Variants in NMNAT1 observed in about 807,000 individuals in gnomAD.
NMNAT1 encodes nicotinamide nucleotide adenylyltransferase 1.
NMNAT1 carries 11 observed loss-of-function variants against 16.7 expected under a neutral mutation model. That is an observed-to-expected ratio of 0.66 (90% CI 0.41 to 1.09). The LOEUF is 1.09. Ranked by LOEUF, NMNAT1 falls within the 50% of genes least tolerant of loss-of-function variation. NMNAT1 has a pLI of 0.00. For missense variants in NMNAT1, 280 were observed against 332.3 expected (o/e 0.84, Z 1.22); for synonymous variants, 110 against 119.8 (o/e 0.92, Z 0.53).
the NMNAT1 span, among the ~76,000 whole-genome samples, chr1:9,991,991 G>A: frequency 6.6e-6 from 1 of 151,994 alleles, no homozygotes; most frequent in South Asian, 2.1e-4. Flanking sequence ...CTTAAACCTG[G>A]GAGGCAGAGG....
At chr1:9,989,714 T>C (rs1176657287), downstream of NMNAT1, among the ~76,000 whole-genome samples, 1 of 152,156 alleles carries the variant, frequency 6.6e-6, no homozygotes, top group East Asian at 1.9e-4. Flanking sequence ...CTTCAATTCA[T>C]TTGTGCTACC....
intron 1 of NMNAT1, among the ~76,000 whole-genome samples, chr1:9,959,335 G>A (rs565270592): frequency 1.9e-4 from 26 of 138,770 alleles, no homozygotes; most frequent in African/African-American, 6.8e-4. Context: ...TCGTGCCATT[G>A]CACTACAGCC....
chr1:9,960,177 T>A (rs1475698527), intron 1 of NMNAT1, among the ~76,000 whole-genome samples: 1 of 152,128 alleles, frequency 6.6e-6, no homozygotes, highest in Non-Finnish European at 1.5e-5. Flanking sequence ...ACTAGCTACT[T>A]GGCAGGCTGA....
the NMNAT1 span, among the ~76,000 whole-genome samples, chr1:9,991,212 G>C: frequency 5.8e-5 from 8 of 138,564 alleles, 1 homozygote; most frequent in East Asian, 1.3e-3. Context: ...TTTAGACAAA[G>C]TCTTGCCTCT....
In NMNAT1 at chr1:9,984,668, CTGTT is replaced by C; in HGVS notation, c.*1974_*1977del. 1 of 152,118 alleles carries C rather than the reference CTGTT, an allele frequency of 6.6e-6. No individual in the cohort carries two copies. The highest frequency in any genetic ancestry group is 1.9e-4 in the East Asian group (1 of 5,198). 9.4% of individuals were successfully genotyped at this position (152,118 alleles called of 1,614,324 possible). On this transcript the variant is annotated 3_prime_UTR_variant, in exon 5 of 5. Coordinates refer to ENST00000377205, the MANE Select transcript of NMNAT1 (RefSeq NM_022787.4). ...GTGTGATGCTGGTGTTTTGTTTGGC[CTGTT>C]TGTTTGATGCTGGGGGTTTTATGTG... is the stretch of plus-strand genomic sequence containing the variant.
At chr1:9,989,365 C>T (rs1169650744), downstream of NMNAT1, among the ~76,000 whole-genome samples, 1 of 151,712 alleles carries the variant, frequency 6.6e-6, no homozygotes, top group Admixed American at 6.6e-5. Flanking sequence ...GGCTGAGGCA[C>T]GAGAATCACT....
intron 1 of NMNAT1, among the ~76,000 whole-genome samples, chr1:9,968,361 C>T (rs546387899): frequency 1.1e-3 from 159 of 151,124 alleles, no homozygotes; most frequent in East Asian, 3.6e-3. Context: ...CGTGAGCCGC[C>T]GCGCCTGGCC....
At chr1:9,969,197 A>G (rs1166733128) in intron 1 of NMNAT1, among the ~76,000 whole-genome samples, 2 of 152,116 alleles carry the variant, frequency 1.3e-5, no homozygotes, top group South Asian at 2.1e-4. Context: ...CACAAGCCCT[A>G]CCTACCCACT....
At position 9,982,472 on chromosome 1, in the gene NMNAT1, G is replaced by A; in HGVS notation, c.611G>A (p.Trp204Ter). The change falls in exon 5 of 5, where the codon TGG becomes TAG. Residue 204 changes from tryptophan (W) to a stop codon, truncating the protein, a stop_gained. Coordinates refer to ENST00000377205, the MANE Select transcript of NMNAT1 (RefSeq NM_022787.4). LOFTEE classifies it high-confidence loss of function. ...TTTATCTATGAATCGGATGTGCTGT[G>A]GAAACACCGGAGCAACATTCACGTG... ...QKFIYESDVL[W>*]KHRSNIHVVN... is the part of the protein sequence containing the mutation. The A allele has an allele frequency of 6.2e-7, 1 of 1,614,130 alleles. No homozygotes were observed.
downstream of NMNAT1, among the ~76,000 whole-genome samples, chr1:9,987,150 A>ATG (rs767154247): frequency 3.9e-4 from 59 of 151,306 alleles, no homozygotes; most frequent in Non-Finnish European, 7.8e-4. Flanking sequence ...GTGAGCCCTG[A>ATG]TCATGACACT....
Position 9,975,042 on chromosome 1 carries a change from G to A in NMNAT1, c.116-550G>A, listed in dbSNP as rs116712506. 3.2e-3 allele frequency among the ~76,000 whole-genome samples: 480 copies of A among 152,254 alleles called. 6 individuals are homozygous for A. The highest frequency in any genetic ancestry group is 0.011 in the African/African-American group (456 of 41,544). Reference sequence around the variant, plus strand: ...GGTGAAGTACAGAGTGTCAGTTGGGGAAGATGAGAAAATTCTGGAGATAGA... The same window carrying A: ...GGTGAAGTACAGAGTGTCAGTTGGGAAAGATGAGAAAATTCTGGAGATAGA... On this transcript the variant is annotated intron_variant, in intron 2 of 4. Transcript: ENST00000377205.
downstream of NMNAT1, among the ~76,000 whole-genome samples, chr1:9,986,416 A>T (rs1407576425): frequency 1.3e-5 from 2 of 152,212 alleles, no homozygotes. Context: ...GTACATTAAT[A>T]CAAGTATATC....
chr1:9,945,105 A>G (rs1052483856), intron 1 of NMNAT1, among the ~76,000 whole-genome samples: 1 of 152,138 alleles, frequency 6.6e-6, no homozygotes, highest in Non-Finnish European at 1.5e-5. Flanking sequence ...GTGGTGGTCC[A>G]TGCCTGTAAT....
chr1:9,976,255 C>G (rs1444657206), intron 3 of NMNAT1, among the ~76,000 whole-genome samples: 2 of 150,180 alleles, frequency 1.3e-5, no homozygotes, highest in African/African-American at 4.9e-5. Flanking sequence ...CCACTGCACT[C>G]CAGCCTGGGT....
rs751746188 is a variant in NMNAT1 at position 9,972,038 on chromosome 1, G to A, written c.-36G>A. On this transcript the variant is annotated 5_prime_UTR_variant, in exon 2 of 5. Transcript: ENST00000377205. ...TGTAGACAACAAGGGAGGTGTCACAGTTTTCCATTTAGATCAACAACTTCA... is the reference window on the plus strand; with the variant it reads ...TGTAGACAACAAGGGAGGTGTCACAATTTTCCATTTAGATCAACAACTTCA... 3.7e-6 allele frequency: 4 copies of A among 1,090,462 alleles called. No individual in the cohort carries two copies. The highest frequency in any genetic ancestry group is 2.5e-5 in the South Asian group (2 of 79,684). The allele number at this position is 1,090,462 out of a possible 1,614,324, so 67.5% of individuals were successfully genotyped here.
chr1:9,947,148 A>G (rs557154559), intron 1 of NMNAT1, among the ~76,000 whole-genome samples: 4 of 151,696 alleles, frequency 2.6e-5, no homozygotes, highest in Non-Finnish European at 5.9e-5. Context: ...TGTAAACTGA[A>G]CTCCTGATAG....
At chr1:9,961,959 G>C (rs770699000) in intron 1 of NMNAT1, among the ~76,000 whole-genome samples, 3 of 151,658 alleles carry the variant, frequency 2.0e-5, no homozygotes, top group African/African-American at 7.3e-5. Context: ...GTAGAGACGG[G>C]GTTTCTCCAT....
upstream of NMNAT1, chr1:9,943,462 C>T (rs1640871602): frequency 6.6e-6 from 1 of 152,306 alleles, no homozygotes; most frequent in African/African-American, 2.4e-5. Context: ...TCGCTGGCGT[C>T]CGGGCCGCTG....
intron 1 of NMNAT1, among the ~76,000 whole-genome samples, chr1:9,964,824 T>C (rs944210355): frequency 2.7e-5 from 4 of 149,758 alleles, no homozygotes; most frequent in African/African-American, 9.9e-5. Context: ...GACGCACACC[T>C]GTAGTCCCAG....
Sources: gnomAD v4.1 joint callset for allele counts (sites outside exome capture counted in the v4.1 genomes callset) on GRCh38, gnomAD v4.1.1 for gene constraint, MANE v1.5 for transcripts, NCBI Gene and HGNC (gene_info 2026-07-23, HGNC 2026-07-21) for gene names.